TUSC3: variants seen among roughly 807,000 people sequenced by gnomAD.
TUSC3 encodes the protein tumor suppressor candidate 3.
TUSC3 carries 45 observed loss-of-function variants against 44.8 expected under a neutral mutation model. The observed-to-expected ratio is 1.00, with a 90% CI of 0.79 to 1.29. The LOEUF (loss-of-function observed/expected upper bound fraction) is 1.29. Among genes scored for constraint, TUSC3 ranks in the 50% most tolerant of loss-of-function variants. The pLI, the probability that TUSC3 is intolerant of heterozygous loss-of-function variation, is 0.00. For missense variants in TUSC3, 519 were observed against 437.9 expected (o/e 1.19, Z -1.65); for synonymous variants, 212 against 152.9 (o/e 1.39, Z -2.85).
chr8:15,437,540 A>T (rs927861422), intron 1 of TUSC3, among the ~76,000 whole-genome samples: 1 of 152,192 alleles, frequency 6.6e-6, no homozygotes, highest in Non-Finnish European at 1.5e-5. Context: ...CTCTTGTACT[A>T]TTTTAGAACT....
chr8:15,512,605 T>C (rs1042767883), intron 2 of TUSC3, among the ~76,000 whole-genome samples: 1 of 152,078 alleles, frequency 6.6e-6, no homozygotes, highest in African/African-American at 2.4e-5. Context: ...AAACCCCGTC[T>C]CTACTAAAAA....
At chr8:15,620,252 A>T (rs890597897) in intron 1 of TUSC3, among the ~76,000 whole-genome samples, 1 of 152,170 alleles carries the variant, frequency 6.6e-6, no homozygotes, top group Admixed American at 6.6e-5. Flanking sequence ...TTTCACACTG[A>T]TATAGTGTTT....
chr8:15,511,712 AT>A (rs1221825180), intron 2 of TUSC3, among the ~76,000 whole-genome samples: 24 of 152,272 alleles, frequency 1.6e-4, no homozygotes, highest in South Asian at 6.2e-4. Flanking sequence ...TCTTCTAAAA[AT>A]AAAAGAATTA....
intron 1 of TUSC3, among the ~76,000 whole-genome samples, chr8:15,467,664 C>G (rs1186376138): frequency 1.3e-5 from 2 of 152,122 alleles, no homozygotes; most frequent in Non-Finnish European, 2.9e-5. Flanking sequence ...CAAACTCCAC[C>G]AAAATCAGTA....
At chr8:15,551,384 C>G (rs1802056458) in intron 1 of TUSC3, among the ~76,000 whole-genome samples, 1 of 151,632 alleles carries the variant, frequency 6.6e-6, no homozygotes, top group Non-Finnish European at 1.5e-5. Flanking sequence ...CTCATGATAA[C>G]AGTCTTGCTT....
chr8:15,659,512 C>G lies in TUSC3; in HGVS notation c.432C>G (p.Asn144Lys). ...DEGTDVFQQL[N>K]MNSAPTFMHF... The stretch of plus-strand genomic sequence containing the variant: ...TTTTTTCTCATGTTTTACAGCTCAA[C>G]ATGAACTCTGCTCCTACATTCATGC... Residue 144 changes from asparagine (N) to lysine (K), a missense_variant, in exon 4 of 11, where the codon AAC (asparagine) becomes AAG (lysine). Coordinates refer to ENST00000503731, the MANE Select transcript of TUSC3 (RefSeq NM_006765.4). 1.9e-6 allele frequency: 3 copies of G among 1,612,398 alleles called. No individual in the cohort carries two copies. Among genetic ancestry groups the G allele is most frequent in the Non-Finnish European group, 2.5e-6 (3 of 1,179,514 alleles).
At chr8:15,646,127 C>T (rs1454672872) in intron 2 of TUSC3, among the ~76,000 whole-genome samples, 5 of 152,078 alleles carry the variant, frequency 3.3e-5, no homozygotes, top group Non-Finnish European at 7.4e-5. Flanking sequence ...CAGACATTTC[C>T]ATCAGCAAGC....
rs373871685 is a variant in TUSC3, at chr8:15,650,821, A to C, written c.426+7A>C. 12 of 1,607,830 alleles carry C rather than the reference A, an allele frequency of 7.5e-6. No homozygotes were observed. Among genetic ancestry groups the C allele is most frequent in the African/African-American group, 5.3e-5 (4 of 74,780 alleles). On this transcript the variant is annotated splice_region_variant and intron_variant, in intron 3 of 10. Coordinates refer to ENST00000503731, the MANE Select transcript of TUSC3 (RefSeq NM_006765.4). ...GACAGACGTTTTTCAGCAGGTAAAG[A>C]GTTATATCGTATTCATATATTTAAC...
intron 1 of TUSC3, among the ~76,000 whole-genome samples, chr8:15,480,507 A>C (rs1350809525): frequency 6.6e-6 from 1 of 152,210 alleles, no homozygotes; most frequent in Non-Finnish European, 1.5e-5. Context: ...GTTGAGTAGA[A>C]ATGTTAATAG....
At chr8:15,466,879 T>C (rs568284856) in intron 1 of TUSC3, among the ~76,000 whole-genome samples, 11 of 152,246 alleles carry the variant, frequency 7.2e-5, no homozygotes, top group African/African-American at 2.2e-4. Context: ...CAGAGGGCCA[T>C]TGATAATTGA....
intron 1 of TUSC3, among the ~76,000 whole-genome samples, chr8:15,432,087 C>A (rs1799879724): frequency 6.6e-6 from 1 of 151,494 alleles, no homozygotes; most frequent in Non-Finnish European, 1.5e-5. Context: ...TTACATTGTT[C>A]TTGTCTGGCT....
intron 2 of TUSC3, among the ~76,000 whole-genome samples, chr8:15,646,310 G>T (rs982808590): frequency 6.6e-6 from 1 of 152,088 alleles, no homozygotes; most frequent in Admixed American, 6.6e-5. Context: ...TAAAGACATA[G>T]ATTATGTAAG....
chr8:15,618,238 A>G (rs1461231536), intron 1 of TUSC3, among the ~76,000 whole-genome samples: 1 of 152,182 alleles, frequency 6.6e-6, no homozygotes, highest in Non-Finnish European at 1.5e-5. Flanking sequence ...GGCTTTATCG[A>G]AAGATTTTTC....
chr8:15,719,670 A>G (rs1810220686), intron 6 of TUSC3, among the ~76,000 whole-genome samples: 1 of 152,080 alleles, frequency 6.6e-6, no homozygotes, highest in African/African-American at 2.4e-5. Flanking sequence ...AACATACAAC[A>G]ACAGTAGCTA....
At chr8:15,460,252 G>A (rs960332748) in intron 1 of TUSC3, among the ~76,000 whole-genome samples, 3 of 151,880 alleles carry the variant, frequency 2.0e-5, no homozygotes, top group Non-Finnish European at 2.9e-5. Context: ...AGTTGGTATC[G>A]CATTGTCGTT....
chr8:15,761,208 AT>A (rs1563211126), intron 10 of TUSC3, among the ~76,000 whole-genome samples: 1 of 152,196 alleles, frequency 6.6e-6, no homozygotes, highest in East Asian at 1.9e-4. Context: ...CCTATGGAAT[AT>A]TAATCCTTAG....
chr8:15,570,767 T>G (rs2129143074), intron 1 of TUSC3, among the ~76,000 whole-genome samples: 1 of 152,058 alleles, frequency 6.6e-6, no homozygotes, highest in Admixed American at 6.6e-5. Flanking sequence ...AGAACTGACT[T>G]CAAAGCTGTT....
intron 1 of TUSC3, among the ~76,000 whole-genome samples, chr8:15,449,386 AG>A (rs1800162985): frequency 6.6e-6 from 1 of 152,190 alleles, no homozygotes; most frequent in African/African-American, 2.4e-5. Context: ...AAGGTGAAGC[AG>A]AGGACACGGA....
intron 1 of TUSC3, among the ~76,000 whole-genome samples, chr8:15,439,155 C>T: frequency 6.6e-6 from 1 of 152,190 alleles, no homozygotes; most frequent in East Asian, 1.9e-4. Context: ...ACCCATTTCC[C>T]TCTGACCTAT....
Sources: gnomAD v4.1 joint callset for allele counts (sites outside exome capture counted in the v4.1 genomes callset) on GRCh38, gnomAD v4.1.1 for gene constraint, MANE v1.5 for transcripts, NCBI Gene and HGNC (gene_info 2026-07-23, HGNC 2026-07-21) for gene names.